The following FTO variants were observed in gnomAD, a reference collection of about 807,000 sequenced individuals.
FTO encodes the protein alpha-ketoglutarate-dependent dioxygenase FTO.
Under a neutral mutation model 63.9 loss-of-function variants are expected in FTO, and 47 were observed. That is an observed-to-expected ratio of 0.74 (90% CI 0.58 to 0.94). The LOEUF (loss-of-function observed/expected upper bound fraction) is 0.94, where lower values mean the gene tolerates loss of function less well. FTO is among the 40% of genes least tolerant of loss of function. The pLI, the probability that FTO is intolerant of heterozygous loss-of-function variation, is 0.00. For missense variants in FTO, 562 were observed against 618.1 expected (o/e 0.91, Z 0.96); for synonymous variants, 207 against 224.4 (o/e 0.92, Z 0.69).
At chr16:54,016,738 G>A (rs1265088756) in intron 8 of FTO, among the ~76,000 whole-genome samples, 1 of 152,116 alleles carries the variant, frequency 6.6e-6, no homozygotes, top group African/African-American at 2.4e-5. Flanking sequence ...CTTGGTTGGT[G>A]GCACTCTGGT....
intron 1 of FTO, among the ~76,000 whole-genome samples, chr16:53,759,410 C>T (rs2076995500): frequency 6.6e-6 from 1 of 152,062 alleles, no homozygotes; most frequent in South Asian, 2.1e-4. Flanking sequence ...AGAAATAATA[C>T]AGGCTGGGCA....
chr16:53,844,912 GTT>G (rs57121366), intron 4 of FTO, among the ~76,000 whole-genome samples: 17 of 147,170 alleles, frequency 1.2e-4, no homozygotes, highest in East Asian at 4.0e-4. Context: ...AGTAGTGAGA[GTT>G]TTTTTTTTTT....
At chr16:53,925,657 T>A (rs2082121646) in intron 7 of FTO, among the ~76,000 whole-genome samples, 2 of 152,098 alleles carry the variant, frequency 1.3e-5, no homozygotes, top group Admixed American at 1.3e-4. Context: ...ATTAAAGACT[T>A]GTATAGAATT....
chr16:54,080,194 C>G (rs1355121762), intron 8 of FTO, among the ~76,000 whole-genome samples: 3 of 152,096 alleles, frequency 2.0e-5, no homozygotes, highest in Non-Finnish European at 4.4e-5. Context: ...CAAGACCAGC[C>G]TGGTTAACAA....
At chr16:53,927,222 T>G (rs1397741163) in intron 7 of FTO, among the ~76,000 whole-genome samples, 1 of 152,130 alleles carries the variant, frequency 6.6e-6, no homozygotes, top group Non-Finnish European at 1.5e-5. Flanking sequence ...GGGGTAAGTT[T>G]CAGTCATATT....
At chr16:53,958,898 A>G (rs2082999134) in intron 8 of FTO, among the ~76,000 whole-genome samples, 1 of 152,196 alleles carries the variant, frequency 6.6e-6, no homozygotes, top group South Asian at 2.1e-4. Flanking sequence ...GGGGGTGAAT[A>G]AGACAGGGTC....
At chr16:53,758,821 A>G (rs1217110444) in intron 1 of FTO, among the ~76,000 whole-genome samples, 1 of 152,224 alleles carries the variant, frequency 6.6e-6, no homozygotes, top group Non-Finnish European at 1.5e-5. Flanking sequence ...AAACAGGAAC[A>G]AGATGCTAAT....
intron 1 of FTO, among the ~76,000 whole-genome samples, chr16:53,743,302 G>T (rs1047009087): frequency 6.6e-6 from 1 of 152,004 alleles, no homozygotes; most frequent in Non-Finnish European, 1.5e-5. Context: ...TCTCCCAGTC[G>T]ATGGTTGTGG....
chr16:53,801,679 A>G (rs1459464648), intron 1 of FTO, among the ~76,000 whole-genome samples: 1 of 149,872 alleles, frequency 6.7e-6, no homozygotes, highest in Middle Eastern at 3.5e-3. Context: ...TATTGTTGAA[A>G]TACATTATAG....
At chr16:53,912,915 G>T (rs892644533) in intron 7 of FTO, among the ~76,000 whole-genome samples, 17 of 152,344 alleles carry the variant, frequency 1.1e-4, no homozygotes, top group Non-Finnish European at 1.9e-4. Context: ...AGAAAGAAGT[G>T]TTAGTGGAAA....
intron 7 of FTO, among the ~76,000 whole-genome samples, chr16:53,913,986 GAA>G (rs796724555): frequency 3.6e-5 from 4 of 112,020 alleles, no homozygotes; most frequent in Non-Finnish European, 3.9e-5. Context: ...CTCAAAAAAA[GAA>G]AAAAAAAAAA....
chr16:53,873,087 TG>T (rs761900418), intron 4 of FTO, among the ~76,000 whole-genome samples: 8 of 152,172 alleles, frequency 5.3e-5, no homozygotes, highest in Non-Finnish European at 1.0e-4. Flanking sequence ...CATGCTGAGT[TG>T]GTTGGTTTAT....
At chr16:54,028,373 G>A (rs116001244) in intron 8 of FTO, among the ~76,000 whole-genome samples, 2,150 of 152,172 alleles carry the variant, frequency 0.014, 60 homozygotes, top group African/African-American at 0.048. Flanking sequence ...AGAATATGTT[G>A]GGTGGAGTTC....
intron 8 of FTO, among the ~76,000 whole-genome samples, chr16:53,961,300 GAGTCATTT>G (rs932936604): frequency 3.9e-5 from 6 of 152,286 alleles, no homozygotes; most frequent in African/African-American, 1.4e-4. Flanking sequence ...TAGCTCTGCA[GAGTCATTT>G]AGCCAGCAGA....
At chr16:53,843,354 TACTA>T (rs2079528026) in intron 3 of FTO, among the ~76,000 whole-genome samples, 2 of 152,196 alleles carry the variant, frequency 1.3e-5, no homozygotes, top group Non-Finnish European at 2.9e-5. Flanking sequence ...ACTGTACTCT[TACTA>T]ACACTGTGTT....
intron 4 of FTO, among the ~76,000 whole-genome samples, chr16:53,851,829 T>C (rs1283042029): frequency 1.3e-5 from 2 of 152,050 alleles, no homozygotes; most frequent in Non-Finnish European, 2.9e-5. Flanking sequence ...AATGGAAAGT[T>C]GAGGAAGATC....
chr16:53,868,170 G>A (rs1296794405), intron 4 of FTO, among the ~76,000 whole-genome samples: 1 of 151,910 alleles, frequency 6.6e-6, no homozygotes, highest in Admixed American at 6.6e-5. Context: ...TGTGTATTTA[G>A]ACCATGGGCA....
intron 6 of FTO, among the ~76,000 whole-genome samples, chr16:53,884,494 C>A (rs1365165027): frequency 1.3e-5 from 2 of 152,178 alleles, no homozygotes; most frequent in African/African-American, 4.8e-5. Flanking sequence ...GAAGTAACTT[C>A]TTTCCGTTAT....
intron 1 of FTO, among the ~76,000 whole-genome samples, chr16:53,728,916 C>T (rs1231866830): frequency 1.3e-5 from 2 of 151,654 alleles, no homozygotes; most frequent in African/African-American, 4.8e-5. Context: ...TGCCCACCAT[C>T]ATGACTGGTT....
Sources: allele counts gnomAD v4.1 joint callset (sites outside exome capture counted in the v4.1 genomes callset), GRCh38; gene constraint gnomAD v4.1.1; transcripts MANE v1.5; gene names NCBI Gene and HGNC (gene_info 2026-07-23, HGNC 2026-07-21).